The following HAPLN1 variants were observed in gnomAD, a reference collection of about 807,000 sequenced individuals.
HAPLN1 encodes hyaluronan and proteoglycan link protein 1.
A neutral mutation model predicts 36.5 loss-of-function variants in HAPLN1; 13 were observed. That is an observed-to-expected ratio of 0.36 (90% CI 0.23 to 0.57). HAPLN1 has a LOEUF of 0.57. Ranked by LOEUF, HAPLN1 falls within the 20% of genes least tolerant of loss-of-function variation. The pLI, the probability that HAPLN1 is intolerant of heterozygous loss-of-function variation, is 0.83. For synonymous variants in HAPLN1, 202 were observed against 169.8 expected, an observed-to-expected ratio of 1.19 and a Z score of -1.48; for missense variants, 407 against 439.7, an observed-to-expected ratio of 0.93 and a Z score of 0.66.
chr5:83,669,600 C>T (rs1272997276), intron 2 of HAPLN1, among the ~76,000 whole-genome samples: 2 of 152,106 alleles, frequency 1.3e-5, no homozygotes, highest in Non-Finnish European at 2.9e-5. Flanking sequence ...AAAATGTTTA[C>T]TTTATTAGAA....
intron 1 of HAPLN1, among the ~76,000 whole-genome samples, chr5:83,677,880 T>C (rs1039277461): frequency 5.9e-5 from 9 of 152,270 alleles, no homozygotes; most frequent in African/African-American, 1.7e-4. Context: ...AATCCTCCCA[T>C]AAAACTGCTA....
At chr5:83,642,759 T>C (rs1263736658) in intron 4 of HAPLN1, among the ~76,000 whole-genome samples, 6 of 152,240 alleles carry the variant, frequency 3.9e-5, no homozygotes, top group African/African-American at 1.4e-4. Flanking sequence ...GATGATGTGA[T>C]TTGGAGAAAG....
chr5:83,647,245 C>G (rs144258807), intron 3 of HAPLN1, among the ~76,000 whole-genome samples: 21 of 152,134 alleles, frequency 1.4e-4, no homozygotes, highest in Admixed American at 2.0e-4. Flanking sequence ...TTTTTAGGGT[C>G]AAAGTGAAAC....
At chr5:83,689,842 C>T (rs1023116443) in intron 1 of HAPLN1, among the ~76,000 whole-genome samples, 4 of 152,000 alleles carry the variant, frequency 2.6e-5, no homozygotes, top group Non-Finnish European at 5.9e-5. Flanking sequence ...TAATTCTAAA[C>T]CCAAATATAT....
intron 1 of HAPLN1, among the ~76,000 whole-genome samples, chr5:83,678,688 G>A (rs1255688567): frequency 6.6e-6 from 1 of 152,082 alleles, no homozygotes; most frequent in Non-Finnish European, 1.5e-5. Context: ...GGGTAGAAAT[G>A]CATTAGAAAA....
At chr5:83,701,304 A>G (rs1235925962) in intron 1 of HAPLN1, among the ~76,000 whole-genome samples, 5 of 152,262 alleles carry the variant, frequency 3.3e-5, no homozygotes, top group Non-Finnish European at 7.3e-5. Context: ...AAACTGGACC[A>G]AGTGGGTGGA....
intron 1 of HAPLN1, among the ~76,000 whole-genome samples, chr5:83,678,041 T>C (rs1007713160): frequency 5.3e-5 from 8 of 152,164 alleles, no homozygotes; most frequent in African/African-American, 1.9e-4. Flanking sequence ...TCCCCCTCAG[T>C]GATCCTGATG....
chr5:83,714,713 G>C (rs1489938195), intron 1 of HAPLN1, among the ~76,000 whole-genome samples: 1 of 152,184 alleles, frequency 6.6e-6, no homozygotes, highest in African/African-American at 2.4e-5. Flanking sequence ...CTTGGACCAA[G>C]TATGTGGATT....
At chr5:83,657,614 T>C (rs926558758) in intron 2 of HAPLN1, among the ~76,000 whole-genome samples, 1 of 152,090 alleles carries the variant, frequency 6.6e-6, no homozygotes, top group Non-Finnish European at 1.5e-5. Flanking sequence ...CTTACACCAC[T>C]CATTTTGAAA....
intron 2 of HAPLN1, among the ~76,000 whole-genome samples, chr5:83,672,124 A>G (rs989472490): frequency 6.6e-6 from 1 of 152,226 alleles, no homozygotes; most frequent in Non-Finnish European, 1.5e-5. Context: ...CAACTTTGGT[A>G]TCTGTCATCT....
chr5:83,720,205 A>G (rs1561329192), intron 1 of HAPLN1, among the ~76,000 whole-genome samples: 1 of 152,192 alleles, frequency 6.6e-6, no homozygotes. Context: ...CATCAACATC[A>G]TTGTATATAT....
At chr5:83,700,327 T>C (rs1481986280) in intron 1 of HAPLN1, among the ~76,000 whole-genome samples, 1 of 152,122 alleles carries the variant, frequency 6.6e-6, no homozygotes, top group Non-Finnish European at 1.5e-5. Context: ...TTATTGCCAA[T>C]GTGTCATGCC....
intron 1 of HAPLN1, chr5:83,682,687 G>C (rs1296817284): frequency 6.6e-6 from 1 of 152,084 alleles, no homozygotes; most frequent in Non-Finnish European, 1.5e-5. Flanking sequence ...CCAGCCAAAA[G>C]GGCTGTGTCT....
chr5:83,705,533 C>T (rs749319187), intron 1 of HAPLN1, among the ~76,000 whole-genome samples: 1 of 151,382 alleles, frequency 6.6e-6, no homozygotes, highest in Non-Finnish European at 1.5e-5. Context: ...CTAATAACAA[C>T]AAAGACATAA....
chr5:83,716,979 C>A (rs1376792421), intron 1 of HAPLN1, among the ~76,000 whole-genome samples: 2 of 152,086 alleles, frequency 1.3e-5, no homozygotes, highest in Non-Finnish European at 2.9e-5. Flanking sequence ...TTGCAGTGAG[C>A]CAAGATCACG....
At chr5:83,688,752 C>G (rs890383832) in intron 1 of HAPLN1, among the ~76,000 whole-genome samples, 1 of 132,742 alleles carries the variant, frequency 7.5e-6, no homozygotes, top group African/African-American at 2.8e-5. Flanking sequence ...GAGACAATAA[C>G]TCTAGAAAAT....
intron 1 of HAPLN1, among the ~76,000 whole-genome samples, chr5:83,689,084 T>C (rs1482145061): frequency 2.0e-5 from 3 of 152,158 alleles, no homozygotes. Flanking sequence ...AATAGGTGCA[T>C]AGTCTACCTT....
chr5:83,705,403 A>G (rs902394065), intron 1 of HAPLN1, among the ~76,000 whole-genome samples: 3 of 151,460 alleles, frequency 2.0e-5, no homozygotes, highest in African/African-American at 4.8e-5. Context: ...AAAAAAAAAA[A>G]AAAAAAGAAA....
At chr5:83,709,892 G>A (rs1321832685) in intron 1 of HAPLN1, among the ~76,000 whole-genome samples, 3 of 152,178 alleles carry the variant, frequency 2.0e-5, no homozygotes, top group African/African-American at 7.2e-5. Flanking sequence ...TGATAAGGAA[G>A]GTCAGGATTT....
Sources: gnomAD v4.1 joint callset for allele counts (sites outside exome capture counted in the v4.1 genomes callset) on GRCh38, gnomAD v4.1.1 for gene constraint, MANE v1.5 for transcripts, NCBI Gene and HGNC (gene_info 2026-07-23, HGNC 2026-07-21) for gene names.